Variants in FAT3 observed in about 807,000 individuals in gnomAD.
FAT3 encodes protocadherin Fat 3.
A neutral mutation model predicts 310.2 loss-of-function variants in FAT3; 95 were observed. The observed-to-expected ratio is 0.31, with a 90% CI of 0.26 to 0.36. The LOEUF (loss-of-function observed/expected upper bound fraction) is 0.36. FAT3 is among the 10% of genes least tolerant of loss of function. The pLI, the probability that FAT3 is intolerant of heterozygous loss-of-function variation, is 1.00. For synonymous variants in FAT3, 2,314 were observed against 2,192.9 expected, an observed-to-expected ratio of 1.06 and a Z score of -1.54; for missense variants, 5,408 against 5,715.6, an observed-to-expected ratio of 0.95 and a Z score of 1.74.
At chr11:92,501,137 G>A (rs909691614) in intron 2 of FAT3, among the ~76,000 whole-genome samples, 4 of 151,964 alleles carry the variant, frequency 2.6e-5, no homozygotes, top group Admixed American at 2.6e-4. Flanking sequence ...AATAGAAGCC[G>A]CTTTCTATTG....
chr11:92,492,240 T>TA (rs1952622317), intron 2 of FAT3, among the ~76,000 whole-genome samples: 1 of 145,432 alleles, frequency 6.9e-6, no homozygotes, highest in African/African-American at 2.6e-5. Context: ...TATATATATA[T>TA]TTCCATCCAT....
At chr11:92,861,719 G>A (rs929380167) in intron 21 of FAT3, among the ~76,000 whole-genome samples, 51 of 152,160 alleles carry the variant, frequency 3.4e-4, no homozygotes, top group African/African-American at 1.2e-3. Context: ...ATCCACTAAG[G>A]GGATTTGAAT....
At chr11:92,259,587 T>C (rs1300784303) in intron 1 of FAT3, among the ~76,000 whole-genome samples, 2 of 151,952 alleles carry the variant, frequency 1.3e-5, no homozygotes, top group African/African-American at 2.4e-5. Context: ...AAAGGAGAGC[T>C]GTACGAAGCC....
chr11:92,290,839 G>C (rs1400857176), intron 1 of FAT3, among the ~76,000 whole-genome samples: 1 of 151,946 alleles, frequency 6.6e-6, no homozygotes, highest in African/African-American at 2.4e-5. Context: ...GGAGTAGATT[G>C]AGTTTATGTG....
At chr11:92,226,584 C>T (rs1019500864) in intron 1 of FAT3, among the ~76,000 whole-genome samples, 1 of 151,406 alleles carries the variant, frequency 6.6e-6, no homozygotes, top group Non-Finnish European at 1.5e-5. Context: ...TCAAACCAGG[C>T]GGTGGAGAGG....
Position 92,836,679 on chromosome 11 carries a change from T to G in FAT3, c.10200T>G (p.Val3400=), listed in dbSNP as rs2136273839. The G allele has an allele frequency of 6.2e-7, 1 of 1,613,470 alleles. No individual in the cohort carries two copies. The highest frequency in any genetic ancestry group is 1.3e-5 in the African/African-American group (1 of 75,006). Reference sequence around the variant, plus strand: ...ATCCTGTCTTGGGACTTGTGAAAGTTAAGAAGAAATTGGACCGGGAACGGG... The same window carrying G: ...ATCCTGTCTTGGGACTTGTGAAAGTGAAGAAGAAATTGGACCGGGAACGGG... ...TVDPVLGLVK[V]KKKLDRERVS... is the part of the protein sequence containing the mutation. Residue 3400 remains valine (V), a synonymous_variant, in exon 16 of 28, where the codon GTT becomes GTG. Transcript: ENST00000525166.
At chr11:92,315,514 G>C (rs12576913) in intron 1 of FAT3, among the ~76,000 whole-genome samples, 1,753 of 60,174 alleles carry the variant, frequency 0.029, 11 homozygotes, top group Non-Finnish European at 0.04. Context: ...TATATATATA[G>C]AGAGAGAGAG....
intron 13 of FAT3, among the ~76,000 whole-genome samples, chr11:92,821,368 T>G (rs1456459822): frequency 1.3e-5 from 2 of 152,220 alleles, no homozygotes; most frequent in African/African-American, 4.8e-5. Context: ...TGTTTTCTCT[T>G]AAGTAGCATC....
chr11:92,280,099 A>G (rs1946383307), intron 1 of FAT3, among the ~76,000 whole-genome samples: 1 of 152,178 alleles, frequency 6.6e-6, no homozygotes, highest in Admixed American at 6.5e-5. Context: ...TTACAACAAC[A>G]ACAAAAAAGA....
At chr11:92,819,629 A>G (rs1947909343) in intron 13 of FAT3, among the ~76,000 whole-genome samples, 3 of 152,196 alleles carry the variant, frequency 2.0e-5, no homozygotes, top group African/African-American at 7.2e-5. Flanking sequence ...AAAGTTACAA[A>G]TAAAATAGTT....
chr11:92,716,585 A>G (rs1342687559), intron 4 of FAT3, among the ~76,000 whole-genome samples: 1 of 152,206 alleles, frequency 6.6e-6, no homozygotes, highest in Non-Finnish European at 1.5e-5. Flanking sequence ...CTGCCTGTTG[A>G]AGTAATCACT....
chr11:92,310,942 T>C (rs1214938953), intron 1 of FAT3, among the ~76,000 whole-genome samples: 2 of 151,932 alleles, frequency 1.3e-5, no homozygotes, highest in Non-Finnish European at 2.9e-5. Context: ...TTTTTACTTT[T>C]ATTTTTAAAT....
chr11:92,500,171 A>T (rs1214577562), intron 2 of FAT3, among the ~76,000 whole-genome samples: 1 of 152,082 alleles, frequency 6.6e-6, no homozygotes, highest in Admixed American at 6.6e-5. Flanking sequence ...CATTGACATT[A>T]AAATGCTAAG....
intron 7 of FAT3, 107 bp downstream of exon 7, chr11:92,774,287 G>A: frequency 8.5e-7 from 1 of 1,171,796 alleles, no homozygotes; most frequent in East Asian, 2.6e-5. Flanking sequence ...TATGTCGACG[G>A]TTTTCTAGTG....
chr11:92,835,579 G>T (rs1282305684), intron 15 of FAT3, among the ~76,000 whole-genome samples: 1 of 152,150 alleles, frequency 6.6e-6, no homozygotes, highest in Non-Finnish European at 1.5e-5. Context: ...TGGTTCATGT[G>T]TTAATTAGCT....
chr11:92,248,988 G>C (rs1468381008), intron 1 of FAT3, among the ~76,000 whole-genome samples: 1 of 152,076 alleles, frequency 6.6e-6, no homozygotes, highest in Non-Finnish European at 1.5e-5. Flanking sequence ...ACATAACTAA[G>C]TAGGGCTAGA....
At chr11:92,492,872 G>A (rs1054013629) in intron 2 of FAT3, among the ~76,000 whole-genome samples, 9 of 152,076 alleles carry the variant, frequency 5.9e-5, no homozygotes, top group Non-Finnish European at 2.9e-5. Context: ...TCTCCCTGAG[G>A]CAGTCATCAT....
chr11:92,335,961 C>T, intron 1 of FAT3: 1 of 395,590 alleles, frequency 2.5e-6, no homozygotes, highest in Non-Finnish European at 4.8e-6. Flanking sequence ...CTTTCAGCCC[C>T]TTTAATTAGG....
At chr11:92,632,215 T>C (rs540803900) in intron 3 of FAT3, among the ~76,000 whole-genome samples, 131 of 152,360 alleles carry the variant, frequency 8.6e-4, no homozygotes, top group Non-Finnish European at 1.5e-3. Context: ...ACAGCCATTC[T>C]AGCAAGACCT....
Sources: allele counts gnomAD v4.1 joint callset (sites outside exome capture counted in the v4.1 genomes callset), GRCh38; gene constraint gnomAD v4.1.1; transcripts MANE v1.5; gene names NCBI Gene and HGNC (gene_info 2026-07-23, HGNC 2026-07-21).